ULK4: variants seen among roughly 807,000 people sequenced by gnomAD.
ULK4 encodes inactive serine/threonine-protein kinase ULK4.
Under a neutral mutation model 160.6 loss-of-function variants are expected in ULK4, and 133 were observed. That is an observed-to-expected ratio of 0.83 (90% CI 0.72 to 0.96). ULK4 has a LOEUF of 0.96. ULK4 is among the 40% of genes least tolerant of loss of function. The probability of loss-of-function intolerance (pLI) is 0.00; values close to 1 mark genes in which losing one functional copy is unlikely to be tolerated. For synonymous variants in ULK4, 534 were observed against 539.8 expected, an observed-to-expected ratio of 0.99 and a Z score of 0.15; for missense variants, 1,580 against 1,499.5, an observed-to-expected ratio of 1.05 and a Z score of -0.89.
chr3:41,536,283 TATTTCTTCTCAC>T (rs1202632336), intron 32 of ULK4, among the ~76,000 whole-genome samples: 2 of 152,106 alleles, frequency 1.3e-5, no homozygotes, highest in African/African-American at 4.8e-5. Flanking sequence ...ATATGATGAG[TATTTCTTCTCAC>T]ATTCTGCTTT....
chr3:41,256,469 A>G (rs954398234), intron 35 of ULK4, among the ~76,000 whole-genome samples: 4 of 152,250 alleles, frequency 2.6e-5, no homozygotes, highest in Admixed American at 2.6e-4. Context: ...ACAGAGGTGC[A>G]GTTAATTCAA....
At position 41,295,571 on chromosome 3, in the gene ULK4, T is replaced by A. The variant is rs1278252157; in HGVS notation, c.3679-45997A>T. 2.3e-5 allele frequency among the ~76,000 whole-genome samples: 3 copies of A among 129,898 alleles called. 1 individual carries two copies. Among genetic ancestry groups the A allele is most frequent in the African/African-American group, 8.4e-5 (3 of 35,732 alleles). 85.2% of individuals were successfully genotyped at this position (129,898 alleles called of 152,430 possible). A position where few individuals can be genotyped will look rare whatever the true frequency, so the allele number is the denominator to read the frequency against. ...ACTGTTATAAAAAATACACAAAGAA[T>A]TCTTAAAACTGAACAGTAAGAAAAC... On this transcript the variant is annotated intron_variant, in intron 35 of 36. Transcript: ENST00000301831.
At chr3:41,674,069 T>A (rs978051572) in intron 29 of ULK4, among the ~76,000 whole-genome samples, 6 of 152,110 alleles carry the variant, frequency 3.9e-5, no homozygotes, top group African/African-American at 1.4e-4. Context: ...ACTGGAAGGG[T>A]CTTGAACTGC....
chr3:41,886,378 T>C (rs1697721198), intron 16 of ULK4, among the ~76,000 whole-genome samples: 1 of 152,052 alleles, frequency 6.6e-6, no homozygotes. Context: ...GTTTGTTGAA[T>C]AAATATATCA....
chr3:41,601,743 A>C (rs2032076116), intron 31 of ULK4, among the ~76,000 whole-genome samples: 1 of 152,214 alleles, frequency 6.6e-6, no homozygotes, highest in East Asian at 1.9e-4. Flanking sequence ...GACATTCTTC[A>C]TAACACCAGT....
chr3:41,718,888 A>G (rs747590718), intron 22 of ULK4, among the ~76,000 whole-genome samples: 1 of 152,178 alleles, frequency 6.6e-6, no homozygotes, highest in Non-Finnish European at 1.5e-5. Context: ...GCACCCCATC[A>G]CGTGAGGATG....
chr3:41,901,322 G>C (rs555416707), intron 12 of ULK4, among the ~76,000 whole-genome samples: 44 of 150,894 alleles, frequency 2.9e-4, no homozygotes, highest in Non-Finnish European at 5.8e-4. Context: ...TGGGACTACA[G>C]GCGCCTGCCA....
At chr3:41,281,398 C>G (rs1487818645) in intron 35 of ULK4, among the ~76,000 whole-genome samples, 2 of 152,118 alleles carry the variant, frequency 1.3e-5, no homozygotes, top group Non-Finnish European at 2.9e-5. Context: ...TGTGAAAATC[C>G]TCAATAAAAT....
At position 41,387,803 on chromosome 3, in the gene ULK4, C is replaced by T. The variant is rs139051980; in HGVS notation, c.3678+10276G>A. ...GGACATTTGGGTTGGTTCCAAGTCT[C>T]TGCTATTGTGAATAGTGCCTCAGTA... On this transcript the variant is annotated intron_variant, in intron 35 of 36. Transcript: ENST00000301831. Among the ~76,000 whole-genome samples the T allele has an allele frequency of 6.7e-3, 1,014 of 152,236 alleles. 4 individuals are homozygous for T. Among genetic ancestry groups the T allele is most frequent in the African/African-American group, 0.015 (620 of 41,532 alleles).
At chr3:41,681,905 A>C (rs951144994) in intron 27 of ULK4, 101 bp from the exon 28 acceptor site, 1 of 1,257,718 alleles carries the variant, frequency 8.0e-7, no homozygotes, top group Non-Finnish European at 1.1e-6. Context: ...TAATCAAAGG[A>C]GTGAAAAAAA....
chr3:41,730,768 T>C (rs1293119311), intron 22 of ULK4, among the ~76,000 whole-genome samples: 1 of 152,196 alleles, frequency 6.6e-6, no homozygotes, highest in Non-Finnish European at 1.5e-5. Context: ...TTCTACGGTA[T>C]CACTTTAATC....
chr3:41,709,912 T>C (rs2037034265), intron 25 of ULK4, among the ~76,000 whole-genome samples: 1 of 152,190 alleles, frequency 6.6e-6, no homozygotes, highest in African/African-American at 2.4e-5. Flanking sequence ...CAATCCCTTC[T>C]GTGTAATTCT....
rs34582395 is a variant in ULK4 at position 41,746,272 on chromosome 3, C to CAAAAAAAAAAAAAA, written c.2321+8075_2321+8088dup. Among the ~76,000 whole-genome samples the CAAAAAAAAAAAAAA allele has an allele frequency of 1.3e-3, 58 of 45,710 alleles. 1 individual carries two copies. Among genetic ancestry groups the CAAAAAAAAAAAAAA allele is most frequent in the Middle Eastern group, 0.014 (1 of 70 alleles). The allele number at this position is 45,710 out of a possible 152,430, so 30.0% of individuals were successfully genotyped here. A position where few individuals can be genotyped will look rare whatever the true frequency, so the allele number is the denominator to read the frequency against. On this transcript the variant is annotated intron_variant, in intron 22 of 36. Transcript: ENST00000301831. ...TATATAGAAAATCTCCTGGAACCCA[C>CAAAAAAAAAAAAAA]AAAAAAAAAAAAAAAAAAAAAAAAC...
At chr3:41,252,176 G>A (rs912181178) in intron 35 of ULK4, among the ~76,000 whole-genome samples, 2 of 152,150 alleles carry the variant, frequency 1.3e-5, no homozygotes, top group Admixed American at 6.5e-5. Flanking sequence ...AATATTCTCT[G>A]TAGTATTTAA....
intron 34 of ULK4, among the ~76,000 whole-genome samples, chr3:41,411,391 A>G (rs985262963): frequency 2.7e-5 from 4 of 147,548 alleles, no homozygotes; most frequent in Admixed American, 1.3e-4. Flanking sequence ...GTTCTCCACA[A>G]CCTCTTATCA....
chr3:41,467,293 C>T (rs544106501), intron 32 of ULK4, among the ~76,000 whole-genome samples: 2 of 152,202 alleles, frequency 1.3e-5, no homozygotes, highest in East Asian at 1.9e-4. Flanking sequence ...TTTGGGAGGC[C>T]GAGGTGGGCA....
intron 22 of ULK4, among the ~76,000 whole-genome samples, chr3:41,749,395 A>T (rs866389955): frequency 1.5e-4 from 23 of 152,218 alleles, no homozygotes; most frequent in African/African-American, 5.5e-4. Context: ...AGGCAGGAGA[A>T]TCACTTGAAT....
At chr3:41,478,540 T>C (rs1011802768) in intron 32 of ULK4, among the ~76,000 whole-genome samples, 11 of 152,206 alleles carry the variant, frequency 7.2e-5, no homozygotes, top group African/African-American at 2.7e-4. Flanking sequence ...TGGTAGCCTG[T>C]CCCAAGTGAG....
intron 35 of ULK4, among the ~76,000 whole-genome samples, chr3:41,268,246 G>C (rs1305684809): frequency 6.6e-6 from 1 of 152,186 alleles, no homozygotes. Context: ...GCTGAGTCAC[G>C]CTGTGTTGCC....
Sources: allele counts gnomAD v4.1 joint callset (sites outside exome capture counted in the v4.1 genomes callset), GRCh38; gene constraint gnomAD v4.1.1; transcripts MANE v1.5; gene names NCBI Gene and HGNC (gene_info 2026-07-23, HGNC 2026-07-21).